Variants in UIMC1 observed in about 807,000 individuals in gnomAD.
UIMC1 encodes ubiquitin interaction motif containing 1.
Under a neutral mutation model 84.9 loss-of-function variants are expected in UIMC1, and 42 were observed. The ratio of observed to expected loss-of-function variants is 0.49; its 90% confidence interval spans 0.39 to 0.64. The LOEUF (loss-of-function observed/expected upper bound fraction) is 0.64. Ranked by LOEUF, UIMC1 falls within the 30% of genes least tolerant of loss-of-function variation. The pLI is 0.00. For missense variants in UIMC1, 825 were observed against 847.6 expected (o/e 0.97, Z 0.33); for synonymous variants, 281 against 293.0 (o/e 0.96, Z 0.42).
Position 176,969,072 on chromosome 5 carries a change from G to A in UIMC1, c.683C>T (p.Thr228Ile), listed in dbSNP as rs1768786972. 1 of 1,614,094 alleles carries A rather than the reference G, an allele frequency of 6.2e-7. No homozygotes were observed. The highest frequency in any genetic ancestry group is 1.3e-5 in the African/African-American group (1 of 74,930). ...DRCTGHSAEH[T>I]QCGKPQESTG... ...ACTTTCCTGTGGCTTCCCACACTGTGTGTGCTCAGCCGAGTGGCCAGTACA... is the reference window on the plus strand; with the variant it reads ...ACTTTCCTGTGGCTTCCCACACTGTATGTGCTCAGCCGAGTGGCCAGTACA... Residue 228 changes from threonine (T) to isoleucine (I), a missense_variant, in exon 6 of 15, where the codon ACA becomes ATA. Coordinates refer to ENST00000511320, the MANE Select transcript of UIMC1 (RefSeq NM_001199298.2).
intron 12 of UIMC1, among the ~76,000 whole-genome samples, chr5:176,907,937 C>A (rs976453552): frequency 2.0e-5 from 3 of 152,050 alleles, no homozygotes; most frequent in African/African-American, 7.3e-5. Context: ...TCTTGTAACA[C>A]AAAAGAACCA....
intron 10 of UIMC1, 131 bp downstream of exon 10, chr5:176,943,204 G>GA (rs1764658719): frequency 2.5e-6 from 3 of 1,206,042 alleles, no homozygotes; most frequent in East Asian, 5.1e-5. Flanking sequence ...TAACTAGATA[G>GA]AAAAAACCCA....
chr5:176,982,112 TTA>T (rs1181408783), intron 2 of UIMC1, among the ~76,000 whole-genome samples: 1 of 152,216 alleles, frequency 6.6e-6, no homozygotes, highest in Admixed American at 6.5e-5. Context: ...CTAGGTGCTA[TTA>T]TATGTAGAAC....
chr5:176,926,864 A>C (rs1762440119), intron 10 of UIMC1, among the ~76,000 whole-genome samples: 1 of 152,182 alleles, frequency 6.6e-6, no homozygotes, highest in African/African-American at 2.4e-5. Context: ...AGAGGAAAAA[A>C]ATAGGCCCTG....
chr5:176,960,118 C>G (rs1767157150), intron 6 of UIMC1, among the ~76,000 whole-genome samples: 1 of 152,184 alleles, frequency 6.6e-6, no homozygotes, highest in Non-Finnish European at 1.5e-5. Flanking sequence ...TTCTCACAAG[C>G]AACTTAAGAA....
rs566280799 is a variant in UIMC1, at chr5:176,907,764, T to A, written c.1849-587A>T. ...ACAGAGTTGATCTCACATATATTCT[T>A]GGCAGTGGGATTATAAATTGGATAT... On this transcript the variant is annotated intron_variant, in intron 12 of 14. Transcript: ENST00000511320. Among the ~76,000 whole-genome samples, 4 of 152,350 alleles carry A rather than the reference T, an allele frequency of 2.6e-5. No homozygotes were observed. In the East Asian group the frequency reaches 7.7e-4, roughly 29 times the overall value.
In UIMC1 at chr5:176,950,871, A is replaced by G. The variant is rs75017636; in HGVS notation, c.1443+603T>C. On this transcript the variant is annotated intron_variant, in intron 9 of 14. Transcript: ENST00000511320. ...GGGCAACAGAGTGAAACTCCATCCC[A>G]AAAAAAAGAAAAGAAAAGGAAAAAT... Among the ~76,000 whole-genome samples, 1,475 of 151,982 alleles carry G rather than the reference A, an allele frequency of 9.7e-3. 31 individuals carry two copies. The highest frequency in any genetic ancestry group is 0.034 in the African/African-American group (1,406 of 41,446).
At chr5:177,003,509 C>T (rs1200719256) in intron 1 of UIMC1, among the ~76,000 whole-genome samples, 3 of 151,988 alleles carry the variant, frequency 2.0e-5, no homozygotes, top group South Asian at 2.1e-4. Flanking sequence ...AAAAATTACC[C>T]GGGCATGGTG....
At chr5:176,972,242 A>G (rs1769351947) in intron 3 of UIMC1, among the ~76,000 whole-genome samples, 1 of 151,060 alleles carries the variant, frequency 6.6e-6, no homozygotes, top group Admixed American at 6.6e-5. Flanking sequence ...CTACTAAAAA[A>G]ATACAAAAAA....
Position 176,911,420 on chromosome 5 carries a change from CAT to C in UIMC1, c.1598-33_1598-32del, listed in dbSNP as rs1760201979. 5 of 1,408,812 alleles carry C rather than the reference CAT, an allele frequency of 3.5e-6. No individual in the cohort carries two copies. The Admixed American group carries it at 6.9e-5, about 19-fold the overall frequency. 87.3% of individuals were successfully genotyped at this position (1,408,812 alleles called of 1,614,324 possible). On this transcript the variant is annotated intron_variant, in intron 10 of 14. Coordinates refer to ENST00000511320, the MANE Select transcript of UIMC1 (RefSeq NM_001199298.2). ...AATATAAAAAATATATATATATACACATAGTTAGCTGCCAGTAGACTCTGAAT... is the reference window on the plus strand; with the variant it reads ...AATATAAAAAATATATATATATACACAGTTAGCTGCCAGTAGACTCTGAAT...
At chr5:176,975,339 T>G in intron 3 of UIMC1, 57 bp downstream of exon 3, 1 of 1,538,788 alleles carries the variant, frequency 6.5e-7, no homozygotes, top group Non-Finnish European at 9.0e-7. Context: ...GTCCAAAATG[T>G]ATCAGTTCTA....
intron 6 of UIMC1, among the ~76,000 whole-genome samples, chr5:176,965,160 G>A (rs1252488071): frequency 2.6e-5 from 4 of 152,122 alleles, no homozygotes; most frequent in South Asian, 4.1e-4. Flanking sequence ...GGTGGCTCAC[G>A]CCTGTAATCC....
chr5:176,977,872 T>C lies in UIMC1; in HGVS notation c.148-2392A>G, dbSNP rs556063837. Reference sequence around the variant, plus strand: ...GTTGCAGTGAGCTGATATCATGCCATTGCACTCCAGCTTGGGCAACAGAGC... The same window carrying C: ...GTTGCAGTGAGCTGATATCATGCCACTGCACTCCAGCTTGGGCAACAGAGC... On this transcript the variant is annotated intron_variant, in intron 2 of 14. Coordinates refer to ENST00000511320, the MANE Select transcript of UIMC1 (RefSeq NM_001199298.2). Among the ~76,000 whole-genome samples the C allele has an allele frequency of 1.9e-3, 287 of 150,898 alleles. 1 individual carries two copies. The highest frequency in any genetic ancestry group is 6.5e-3 in the African/African-American group (269 of 41,072).
chr5:176,960,695 G>A (rs1341991991), intron 6 of UIMC1, among the ~76,000 whole-genome samples: 2 of 73,604 alleles, frequency 2.7e-5, no homozygotes, highest in Admixed American at 1.1e-4. Context: ...ATGCGGAGCC[G>A]AAGCTGGACT....
In UIMC1 at chr5:177,015,110, C is replaced by T. The variant is rs115566051; in HGVS notation, c.-9+7354G>A. 2.4e-3 allele frequency among the ~76,000 whole-genome samples: 369 copies of T among 152,206 alleles called. 1 individual carries two copies. The highest frequency in any genetic ancestry group is 8.4e-3 in the African/African-American group (347 of 41,538). On this transcript the variant is annotated intron_variant, in intron 1 of 5. Coordinates refer to the UIMC1 transcript ENST00000509236. ...ATGTTAAATTATCAGAAAAATATAG[C>T]TTTTGGAATAAACTACATAGCTACC...
intron 12 of UIMC1, among the ~76,000 whole-genome samples, chr5:176,908,186 G>A (rs1411090501): frequency 2.0e-5 from 3 of 151,502 alleles, no homozygotes; most frequent in African/African-American, 4.9e-5. Flanking sequence ...GGGGGGAGAG[G>A]GAGAATAGTG....
chr5:176,953,029 C>T (rs1206839361), intron 8 of UIMC1, among the ~76,000 whole-genome samples: 1 of 152,056 alleles, frequency 6.6e-6, no homozygotes, highest in East Asian at 1.9e-4. Flanking sequence ...GAGCATAGGG[C>T]CTTCCCTCAA....
At chr5:176,989,955 C>T (rs1772568857) in intron 1 of UIMC1, among the ~76,000 whole-genome samples, 2 of 151,964 alleles carry the variant, frequency 1.3e-5, no homozygotes, top group African/African-American at 4.8e-5. Context: ...CCGAGGCAGG[C>T]AGATCATGAG....
intron 1 of UIMC1, among the ~76,000 whole-genome samples, chr5:176,999,303 A>C (rs963909408): frequency 1.3e-5 from 2 of 152,212 alleles, no homozygotes; most frequent in Non-Finnish European, 2.9e-5. Flanking sequence ...ATAGGTGCAT[A>C]TATTTATGGG....
Sources: allele counts gnomAD v4.1 joint callset (sites outside exome capture counted in the v4.1 genomes callset), GRCh38; gene constraint gnomAD v4.1.1; transcripts MANE v1.5; gene names NCBI Gene and HGNC (gene_info 2026-07-23, HGNC 2026-07-21).